Variants in DAPP1 observed in about 807,000 individuals in gnomAD.
The protein encoded by DAPP1 is dual adapter for phosphotyrosine and 3-phosphotyrosine and 3-phosphoinositide.
Under a neutral mutation model 41.5 loss-of-function variants are expected in DAPP1, and 20 were observed. The observed-to-expected ratio is 0.48, with a 90% CI of 0.34 to 0.70. DAPP1 has a LOEUF of 0.70. DAPP1 is among the 30% of genes least tolerant of loss of function. The probability of loss-of-function intolerance (pLI) is 0.01; values close to 1 mark genes in which losing one functional copy is unlikely to be tolerated. For synonymous variants in DAPP1, 113 were observed against 116.2 expected, an observed-to-expected ratio of 0.97 and a Z score of 0.18; for missense variants, 233 against 333.4, an observed-to-expected ratio of 0.70 and a Z score of 2.35.
At chr4:99,856,414 T>C (rs147284201) in intron 4 of DAPP1, among the ~76,000 whole-genome samples, 1 of 152,038 alleles carries the variant, frequency 6.6e-6, no homozygotes, top group East Asian at 1.9e-4. Flanking sequence ...ACAAAGGCCC[T>C]GGAGTGGAAA....
chr4:99,818,945 C>G (rs759545838), intron 1 of DAPP1, among the ~76,000 whole-genome samples: 2 of 152,098 alleles, frequency 1.3e-5, no homozygotes, highest in African/African-American at 4.8e-5. Flanking sequence ...AAGTGAGACC[C>G]TAGGTTGATG....
At chr4:99,843,454 AG>A (rs1723562232) in intron 3 of DAPP1, among the ~76,000 whole-genome samples, 1 of 152,210 alleles carries the variant, frequency 6.6e-6, no homozygotes, top group South Asian at 2.1e-4. Flanking sequence ...TAATCTGAAA[AG>A]CAAGGATTTC....
intron 1 of DAPP1, among the ~76,000 whole-genome samples, chr4:99,833,989 C>G (rs868506782): frequency 7.9e-5 from 12 of 152,100 alleles, no homozygotes; most frequent in Admixed American, 7.2e-4. Flanking sequence ...CATGAGGAAC[C>G]AAAGCTCAGA....
chr4:99,844,546 A>C (rs1723602024), intron 3 of DAPP1: 1 of 152,236 alleles, frequency 6.6e-6, no homozygotes, highest in Non-Finnish European at 1.5e-5. Context: ...TAAATGTCTA[A>C]ATATGATTAG....
At chr4:99,817,423 T>C (rs994682782) in intron 1 of DAPP1, among the ~76,000 whole-genome samples, 2 of 152,198 alleles carry the variant, frequency 1.3e-5, no homozygotes, top group African/African-American at 4.8e-5. Context: ...TCTGGTAAGA[T>C]AAACAGAAAG....
intron 1 of DAPP1, among the ~76,000 whole-genome samples, chr4:99,835,154 G>A (rs1201154255): frequency 1.3e-5 from 2 of 151,956 alleles, no homozygotes; most frequent in East Asian, 1.9e-4. Flanking sequence ...GATTATAGGT[G>A]CCTGCCACCA....
At position 99,838,292 on chromosome 4, in the gene DAPP1, A is replaced by T. The variant is rs182535602; in HGVS notation, c.225-1997A>T. Among the ~76,000 whole-genome samples, 10 of 152,220 alleles carry T rather than the reference A, an allele frequency of 6.6e-5. No individual in the cohort carries two copies. In the East Asian group the frequency reaches 1.5e-3, roughly 23 times the overall value. On this transcript the variant is annotated intron_variant, in intron 2 of 8. Coordinates refer to ENST00000512369, the MANE Select transcript of DAPP1 (RefSeq NM_014395.3). ...TTGCAAGCACTAGAGAATGCTTATT[A>T]AAAAAATGACCAGCAGAGGTGACAA...
chr4:99,823,786 G>C (rs1243939976), intron 1 of DAPP1, among the ~76,000 whole-genome samples: 1 of 151,988 alleles, frequency 6.6e-6, no homozygotes, highest in Non-Finnish European at 1.5e-5. Flanking sequence ...AAGATAGTGG[G>C]TTAGTGAGGG....
chr4:99,827,258 T>C (rs1302797109), intron 1 of DAPP1, among the ~76,000 whole-genome samples: 1 of 152,020 alleles, frequency 6.6e-6, no homozygotes, highest in Non-Finnish European at 1.5e-5. Flanking sequence ...AAACCATCAC[T>C]CTTGGCTGGG....
At chr4:99,862,645 G>T (rs556670053) in intron 5 of DAPP1, among the ~76,000 whole-genome samples, 1 of 152,176 alleles carries the variant, frequency 6.6e-6, no homozygotes, top group Admixed American at 6.5e-5. Context: ...GTAGTGGTTT[G>T]TTATAAGTCA....
chr4:99,859,033 G>A (rs531922363), intron 4 of DAPP1, among the ~76,000 whole-genome samples: 3 of 151,848 alleles, frequency 2.0e-5, no homozygotes, highest in Non-Finnish European at 4.4e-5. Context: ...TGAGTAGCAG[G>A]GACTACAGGT....
chr4:99,856,321 A>T (rs1724042659), intron 4 of DAPP1, among the ~76,000 whole-genome samples: 1 of 152,192 alleles, frequency 6.6e-6, no homozygotes, highest in African/African-American at 2.4e-5. Flanking sequence ...TGTGAGGAGG[A>T]ACCATTAGTA....
chr4:99,835,765 T>C lies in DAPP1; in HGVS notation c.224+20T>C, dbSNP rs745381095. ...TGTGAGGTAAGGTGCTTCAGGGCTC[T>C]ACGACTTCAGCATGGGCTCCTCTGT... On this transcript the variant is annotated intron_variant, in intron 2 of 8. Coordinates refer to ENST00000512369, the MANE Select transcript of DAPP1 (RefSeq NM_014395.3). 9 of 1,610,820 alleles carry C rather than the reference T, an allele frequency of 5.6e-6. No individual in the cohort carries two copies. The African/African-American group carries it at 1.1e-4, about 19-fold the overall frequency.
intron 1 of DAPP1, among the ~76,000 whole-genome samples, chr4:99,825,396 A>G (rs1578344053): frequency 6.6e-6 from 1 of 152,166 alleles, no homozygotes; most frequent in East Asian, 1.9e-4. Flanking sequence ...AAACTCCTAC[A>G]GAATTCTCTC....
intron 1 of DAPP1, among the ~76,000 whole-genome samples, chr4:99,820,417 C>CAT (rs10684322): frequency 0.55 from 83,339 of 151,822 alleles, 23,464 homozygotes; most frequent in African/African-American, 0.68. Flanking sequence ...AAAGAAATAA[C>CAT]AAAATGAAAG....
At chr4:99,821,728 A>T (rs1722781451) in intron 1 of DAPP1, among the ~76,000 whole-genome samples, 2 of 152,306 alleles carry the variant, frequency 1.3e-5, no homozygotes, top group South Asian at 4.1e-4. Flanking sequence ...CTCTCATCTT[A>T]CTATACTAGT....
At chr4:99,847,098 T>G (rs1411524950) in intron 3 of DAPP1, among the ~76,000 whole-genome samples, 1 of 152,204 alleles carries the variant, frequency 6.6e-6, no homozygotes, top group Non-Finnish European at 1.5e-5. Flanking sequence ...ATGTTTTGAG[T>G]GAAATGGCCC....
chr4:99,863,253 T>A (rs1291952710), intron 6 of DAPP1, among the ~76,000 whole-genome samples, 181 bp downstream of exon 6: 1 of 152,158 alleles, frequency 6.6e-6, no homozygotes, highest in South Asian at 2.1e-4. Flanking sequence ...GAGATGTATG[T>A]CCCAGAAATT....
intron 3 of DAPP1, among the ~76,000 whole-genome samples, chr4:99,851,277 C>T (rs986002461): frequency 6.6e-5 from 10 of 152,076 alleles, no homozygotes; most frequent in East Asian, 1.9e-4. Flanking sequence ...AAGAATGGGA[C>T]GGTTCTGATA....
Sources: allele counts gnomAD v4.1 joint callset (sites outside exome capture counted in the v4.1 genomes callset), GRCh38; gene constraint gnomAD v4.1.1; transcripts MANE v1.5; gene names NCBI Gene and HGNC (gene_info 2026-07-23, HGNC 2026-07-21).